Variants in RBFOX3 observed in about 807,000 individuals in gnomAD.
RBFOX3 encodes RNA binding protein fox-1 homolog 3.
Under a neutral mutation model 48.7 loss-of-function variants are expected in RBFOX3, and 17 were observed. The ratio of observed to expected loss-of-function variants is 0.35; its 90% CI spans 0.24 to 0.52. RBFOX3 has a LOEUF of 0.52. Among genes scored for constraint, RBFOX3 ranks in the 20% least tolerant of loss-of-function variants. The probability of loss-of-function intolerance (pLI) is 0.94; values close to 1 mark genes in which losing one functional copy is unlikely to be tolerated. For synonymous variants in RBFOX3, 212 were observed against 209.5 expected, an observed-to-expected ratio of 1.01 and a Z score of -0.10; for missense variants, 382 against 497.5, an observed-to-expected ratio of 0.77 and a Z score of 2.21.
In RBFOX3 at chr17:79,214,574, G is replaced by A. The variant is rs1270905151; in HGVS notation, c.-34+21192C>T. 1.3e-5 allele frequency among the ~76,000 whole-genome samples: 2 copies of A among 151,936 alleles called. No homozygotes were observed. Among genetic ancestry groups the A allele is most frequent in the East Asian group, 1.9e-4 (1 of 5,132 alleles). On this transcript the variant is annotated intron_variant, in intron 4 of 14. Coordinates refer to ENST00000693108, the MANE Select transcript of RBFOX3 (RefSeq NM_001350451.2). The surrounding 1 kb of genome is among the most constrained non-coding windows in gnomAD (Gnocchi z 4.7). The stretch of plus-strand genomic sequence containing the variant: ...GGGAGGGATGTCTGGGGGGGGTCTC[G>A]GAGGAAGCAGGAAGGGTTGGCCTCT...
intron 4 of RBFOX3, among the ~76,000 whole-genome samples, chr17:79,203,965 T>G (rs911719583): frequency 5.3e-5 from 8 of 152,094 alleles, no homozygotes; most frequent in Non-Finnish European, 1.2e-4. Flanking sequence ...TTTGTGTGGA[T>G]GAGCCTGAGA....
chr17:79,440,600 A>G (rs1555734247), intron 2 of RBFOX3, among the ~76,000 whole-genome samples: 1 of 152,138 alleles, frequency 6.6e-6, no homozygotes, highest in East Asian at 1.9e-4. Flanking sequence ...ACTGGACTTC[A>G]TTTTTAGCCA....
rs1179514737 is a variant in RBFOX3, at chr17:79,362,389, G to C, written c.-174-54565C>G. ...GAGGCTGAGTGCAGCGTCTTTCAGA[G>C]CCAAACAGAGCCCCAGCTCTGAGGC... On this transcript the variant is annotated intron_variant, in intron 2 of 14. Transcript: ENST00000693108. This position sits in a 1 kb window ranked among gnomAD's most constrained non-coding sequence, Gnocchi z 4.2. Among the ~76,000 whole-genome samples, 1 of 151,860 alleles carries C rather than the reference G, an allele frequency of 6.6e-6. No individual in the cohort carries two copies. The highest frequency in any genetic ancestry group is 2.4e-5 in the African/African-American group (1 of 41,340).
chr17:79,651,149 G>A, the RBFOX3 span, among the ~76,000 whole-genome samples: 192 of 152,312 alleles, frequency 1.3e-3, no homozygotes, highest in African/African-American at 4.3e-3. Context: ...CCTTCTTGGC[G>A]GCCTTCCCTT....
At chr17:79,434,417 A>T (rs2069016265) in intron 2 of RBFOX3, among the ~76,000 whole-genome samples, 1 of 152,326 alleles carries the variant, frequency 6.6e-6, no homozygotes, top group East Asian at 1.9e-4. Flanking sequence ...TGACTTACAC[A>T]TGATGAAGAC....
intron 4 of RBFOX3, among the ~76,000 whole-genome samples, chr17:79,117,169 C>T (rs76536633): frequency 3.9e-5 from 6 of 152,204 alleles, no homozygotes; most frequent in African/African-American, 1.4e-4. Flanking sequence ...GAGGCACTCG[C>T]CCCCCCAGGA....
chr17:79,639,603 A>G, the RBFOX3 span, among the ~76,000 whole-genome samples: 2 of 152,234 alleles, frequency 1.3e-5, no homozygotes, highest in Admixed American at 1.3e-4. Context: ...ATAAGATACT[A>G]GTAAACTGAA....
At chr17:79,384,715 A>G (rs1189078675) in intron 2 of RBFOX3, among the ~76,000 whole-genome samples, 1 of 152,188 alleles carries the variant, frequency 6.6e-6, no homozygotes, top group Non-Finnish European at 1.5e-5. Context: ...GCAGCCTCAT[A>G]CACCAGCGCT....
intron 1 of RBFOX3, among the ~76,000 whole-genome samples, chr17:79,548,001 C>A (rs1274872201): frequency 6.6e-6 from 1 of 152,230 alleles, no homozygotes; most frequent in African/African-American, 2.4e-5. Context: ...TCCCTCCTCA[C>A]CCTATCCTGG....
chr17:79,550,815 T>C (rs1014060868), intron 1 of RBFOX3, among the ~76,000 whole-genome samples: 5 of 152,018 alleles, frequency 3.3e-5, no homozygotes, highest in South Asian at 4.2e-4. Flanking sequence ...TGGGTTGATT[T>C]ATGGACAGAC....
chr17:79,186,802 G>A (rs1205300851), intron 4 of RBFOX3, among the ~76,000 whole-genome samples: 1 of 152,262 alleles, frequency 6.6e-6, no homozygotes, highest in East Asian at 1.9e-4. Context: ...TATCAGGCAA[G>A]GGAGGCACCT....
intron 1 of RBFOX3, among the ~76,000 whole-genome samples, chr17:79,538,135 C>A (rs2150144086): frequency 6.6e-6 from 1 of 152,334 alleles, no homozygotes; most frequent in African/African-American, 2.4e-5. Context: ...TTTGCAAACA[C>A]AAACCCCCAA....
rs1459220610 is a variant in RBFOX3, at chr17:79,480,473, C to G, written c.-175+1981G>C. On this transcript the variant is annotated intron_variant, in intron 2 of 14. Transcript: ENST00000693108. The surrounding 1 kb of genome is among the most constrained non-coding windows in gnomAD (Gnocchi z 4.8). ...AGGCCATTCAATCCCTCACTCAGAG[C>G]CCTGCAGTGGCTCCCACCACCCTTA... 1.3e-5 allele frequency among the ~76,000 whole-genome samples: 2 copies of G among 152,120 alleles called. No homozygotes were observed. Among genetic ancestry groups the G allele is most frequent in the African/African-American group, 2.4e-5 (1 of 41,406 alleles).
intron 3 of RBFOX3, among the ~76,000 whole-genome samples, chr17:79,304,296 T>C (rs188310147): frequency 2.8e-3 from 420 of 151,998 alleles, no homozygotes; most frequent in African/African-American, 9.8e-3. Context: ...CTGAGAATAC[T>C]GTCTAGCAAC....
chr17:79,152,797 C>CT (rs2044861456), intron 4 of RBFOX3, among the ~76,000 whole-genome samples: 1 of 152,234 alleles, frequency 6.6e-6, no homozygotes, highest in South Asian at 2.1e-4. Context: ...GGCAGAGTGG[C>CT]TTGGGCACAG....
chr17:79,313,694 C>CA (rs2077155658), intron 2 of RBFOX3, among the ~76,000 whole-genome samples: 1 of 152,228 alleles, frequency 6.6e-6, no homozygotes, highest in South Asian at 2.1e-4. Flanking sequence ...AGAGCCTCCC[C>CA]TTCCCACCCC....
intron 2 of RBFOX3, among the ~76,000 whole-genome samples, chr17:79,416,872 T>C (rs1555719362): frequency 1.3e-5 from 2 of 152,214 alleles, no homozygotes; most frequent in Admixed American, 6.5e-5. Context: ...ATGTGCTGTT[T>C]TGGGGATGCG....
At chr17:79,579,918 G>C (rs1305600912) in intron 1 of RBFOX3, among the ~76,000 whole-genome samples, 2 of 115,212 alleles carry the variant, frequency 1.7e-5, no homozygotes, top group Non-Finnish European at 3.6e-5. Flanking sequence ...TGCTGTGGTG[G>C]GGGGATCACT....
At chr17:79,621,594 T>C in the RBFOX3 span, among the ~76,000 whole-genome samples, 25 of 152,220 alleles carry the variant, frequency 1.6e-4, no homozygotes, top group Non-Finnish European at 2.8e-4. Flanking sequence ...CAAGTGTCCA[T>C]GAACTTCTCA....
Sources: allele counts gnomAD v4.1 joint callset (sites outside exome capture counted in the v4.1 genomes callset), GRCh38; gene constraint gnomAD v4.1.1; non-coding constraint Gnocchi (gnomAD v3.1); transcripts MANE v1.5; gene names NCBI Gene and HGNC (gene_info 2026-07-23, HGNC 2026-07-21).